MICU3: variants seen among roughly 807,000 people sequenced by gnomAD.
The protein encoded by MICU3 is mitochondrial calcium uptake 3.
In MICU3, 62 loss-of-function variants were observed where a neutral mutation model predicts 66.5. The observed-to-expected ratio is 0.93, with a 90% CI of 0.76 to 1.15. The LOEUF is 1.15. MICU3 is among the 50% of genes most tolerant of loss of function. MICU3 has a pLI of 0.00. For synonymous variants in MICU3, 308 were observed against 240.7 expected (o/e 1.28, Z -2.59); for missense variants, 779 against 664.4 (o/e 1.17, Z -1.90).
chr8:17,090,049 G>A (rs1189935434), intron 7 of MICU3, among the ~76,000 whole-genome samples: 3 of 151,938 alleles, frequency 2.0e-5, no homozygotes, highest in Admixed American at 2.0e-4. Context: ...CCTCATGACC[G>A]TTCTACCAGG....
intron 1 of MICU3, among the ~76,000 whole-genome samples, chr8:17,057,835 CTTGTTGTTGTTG>C (rs3988341): frequency 4.7e-5 from 7 of 150,420 alleles, no homozygotes; most frequent in African/African-American, 7.3e-5. Context: ...TGTTGTTGTT[CTTGTTGTTGTTG>C]TTGTTGTTGT....
At chr8:17,099,682 T>C (rs958100720) in intron 9 of MICU3, among the ~76,000 whole-genome samples, 6 of 151,844 alleles carry the variant, frequency 4.0e-5, no homozygotes, top group African/African-American at 1.4e-4. Flanking sequence ...TTTACAGATA[T>C]TTTAGAAGCA....
At chr8:17,041,766 G>C (rs55768071) in intron 1 of MICU3, among the ~76,000 whole-genome samples, 1,931 of 152,242 alleles carry the variant, frequency 0.013, 38 homozygotes, top group African/African-American at 0.044. Context: ...GAGGGATGCT[G>C]TTTCCATTAT....
downstream of MICU3, among the ~76,000 whole-genome samples, chr8:17,123,889 A>G (rs544811002): frequency 6.0e-5 from 9 of 150,662 alleles, no homozygotes; most frequent in Admixed American, 4.0e-4. Flanking sequence ...GCATAGAACT[A>G]TGTTTTAGTT....
chr8:17,030,744 T>G (rs1811880850), intron 1 of MICU3, among the ~76,000 whole-genome samples: 1 of 152,218 alleles, frequency 6.6e-6, no homozygotes, highest in African/African-American at 2.4e-5. Context: ...TTAGCCCAAC[T>G]ACTTACTCTG....
chr8:17,035,027 C>G (rs117024524), intron 1 of MICU3, among the ~76,000 whole-genome samples: 1 of 152,124 alleles, frequency 6.6e-6, no homozygotes, highest in Admixed American at 6.5e-5. Context: ...GTTTTTCCCA[C>G]GCTGTCATCA....
intron 5 of MICU3, 22 bp downstream of exon 5, chr8:17,081,762 A>G: frequency 1.1e-6 from 1 of 904,826 alleles, no homozygotes; most frequent in Non-Finnish European, 1.7e-6. Context: ...TATTGCTTTT[A>G]TTTCTGGATG....
At chr8:17,131,353 A>G in the MICU3 span, 1 of 152,048 alleles carries the variant, frequency 6.6e-6, no homozygotes, top group Admixed American at 6.6e-5. Context: ...GTGCCTCGTA[A>G]GTGGGAGCAT....
chr8:17,122,591 T>C lies in MICU3; in HGVS notation c.*2304T>C, dbSNP rs1453457660. ...ATTATAAATTGCAAAGCAACCTGTCTTACATTCTTACATTATCTTAAAATA... is the reference window on the plus strand; with the variant it reads ...ATTATAAATTGCAAAGCAACCTGTCCTACATTCTTACATTATCTTAAAATA... On this transcript the variant is annotated 3_prime_UTR_variant, in exon 15 of 15. Transcript: ENST00000318063. 2 of 152,004 alleles carry C rather than the reference T, an allele frequency of 1.3e-5. No homozygotes were observed. The highest frequency in any genetic ancestry group is 4.8e-5 in the African/African-American group (2 of 41,462). 9.4% of individuals were successfully genotyped at this position (152,004 alleles called of 1,614,324 possible). A position where few individuals can be genotyped will look rare whatever the true frequency, so the allele number is the denominator to read the frequency against.
chr8:17,071,518 A>C (rs1339558342), intron 3 of MICU3, among the ~76,000 whole-genome samples: 2 of 152,168 alleles, frequency 1.3e-5, no homozygotes, highest in African/African-American at 4.8e-5. Context: ...TCTGCAAAAC[A>C]GTCAGATTCT....
chr8:17,126,774 G>T (rs1052298848), downstream of MICU3, among the ~76,000 whole-genome samples: 1 of 152,162 alleles, frequency 6.6e-6, no homozygotes, highest in Non-Finnish European at 1.5e-5. Flanking sequence ...AAAAATAAAA[G>T]TATTACGGTG....
chr8:17,048,729 C>T (rs1412718275), intron 1 of MICU3, among the ~76,000 whole-genome samples: 3 of 152,132 alleles, frequency 2.0e-5, no homozygotes, highest in Admixed American at 1.3e-4. Context: ...TATCCTCTTG[C>T]CTCCGCTTCC....
chr8:17,063,774 C>T (rs192876713), intron 1 of MICU3, among the ~76,000 whole-genome samples: 1 of 152,192 alleles, frequency 6.6e-6, no homozygotes, highest in Admixed American at 6.5e-5. Flanking sequence ...GTACCACTGG[C>T]TCCATAATTT....
Position 17,114,048 on chromosome 8 carries a change from A to C in MICU3, c.1258-45A>C, listed in dbSNP as rs745980751. 4.2e-5 allele frequency: 48 copies of C among 1,152,032 alleles called. 1 individual carries two copies. In the South Asian group the frequency reaches 7.9e-4, roughly 19 times the overall value. 71.4% of individuals were successfully genotyped at this position (1,152,032 alleles called of 1,614,324 possible). The stretch of plus-strand genomic sequence containing the variant: ...TTATGTGTAGATCCTGATTTTAATA[A>C]ATTTGGCAATACTAAATGTATTTTC... On this transcript the variant is annotated intron_variant, in intron 11 of 14. Coordinates refer to ENST00000318063, the MANE Select transcript of MICU3 (RefSeq NM_181723.3).
chr8:17,068,296 C>T (rs756756430), intron 2 of MICU3, among the ~76,000 whole-genome samples: 7 of 151,966 alleles, frequency 4.6e-5, no homozygotes, highest in Admixed American at 1.3e-4. Flanking sequence ...GTGACATTTC[C>T]GACAGAATGA....
At chr8:17,073,186 G>A (rs1819865149) in intron 3 of MICU3, among the ~76,000 whole-genome samples, 1 of 152,162 alleles carries the variant, frequency 6.6e-6, no homozygotes, top group African/African-American at 2.4e-5. Flanking sequence ...TTGTAGAAAT[G>A]CATACTAGAG....
downstream of MICU3, among the ~76,000 whole-genome samples, chr8:17,123,205 T>G (rs1803305435): frequency 6.6e-6 from 1 of 152,120 alleles, no homozygotes; most frequent in Non-Finnish European, 1.5e-5. Context: ...CAATGTTGCA[T>G]CTTAGATTCT....
In MICU3 at chr8:17,104,441, CT is replaced by C. The variant is rs35902397; in HGVS notation, c.1041del (p.Phe347LeufsTer26). The C allele has an allele frequency of 6.8e-6, 10 of 1,464,908 alleles. No homozygotes were observed. The highest frequency in any genetic ancestry group is 4.8e-5 in the South Asian group (3 of 62,976). 90.7% of individuals were successfully genotyped at this position (1,464,908 alleles called of 1,614,324 possible). A position where few individuals can be genotyped will look rare whatever the true frequency, so the allele number is the denominator to read the frequency against. On this transcript the variant is annotated frameshift_variant, in exon 10 of 15. Coordinates refer to ENST00000318063, the MANE Select transcript of MICU3 (RefSeq NM_181723.3). LOFTEE classifies it high-confidence loss of function. ...LVTDTTLLVH[F>X]FGKKGKAELN... The stretch of plus-strand genomic sequence containing the variant: ...TAACAGATACTACACTTCTTGTACA[CT>C]TTTTTGGAAAGAAAGGAAAAGCTGA...
At chr8:17,037,114 C>A (rs908035564) in intron 1 of MICU3, among the ~76,000 whole-genome samples, 1 of 152,160 alleles carries the variant, frequency 6.6e-6, no homozygotes, top group Non-Finnish European at 1.5e-5. Context: ...GCTCCGACTG[C>A]GGGGCCTGCC....
Sources: allele counts gnomAD v4.1 joint callset (sites outside exome capture counted in the v4.1 genomes callset), GRCh38; gene constraint gnomAD v4.1.1; transcripts MANE v1.5; gene names NCBI Gene and HGNC (gene_info 2026-07-23, HGNC 2026-07-21).